The following PIKFYVE variants were observed in gnomAD, a reference collection of about 807,000 sequenced individuals.
The protein encoded by PIKFYVE is phosphoinositide kinase, FYVE-type zinc finger containing.
In PIKFYVE, 122 loss-of-function variants were observed where a neutral mutation model predicts 257.9. The ratio of observed to expected loss-of-function variants is 0.47; its 90% CI spans 0.41 to 0.55. The LOEUF (loss-of-function observed/expected upper bound fraction) is 0.55. PIKFYVE is among the 20% of genes least tolerant of loss of function. The probability of loss-of-function intolerance (pLI) is 0.00; values close to 1 mark genes in which losing one functional copy is unlikely to be tolerated. For synonymous variants in PIKFYVE, 892 were observed against 868.9 expected (o/e 1.03, Z -0.47); for missense variants, 2,160 against 2,536.6 (o/e 0.85, Z 3.19).
rs779594213 is a variant in PIKFYVE at position 208,271,502 on chromosome 2, GT to G, written c.-9-4del. ...ATTTAGATTTTTGCTTGTTTCTTTT[GT>G]TTTTCAGACTCATGAAATGGCCACA... is the stretch of plus-strand genomic sequence containing the variant. On this transcript the variant is annotated splice_polypyrimidine_tract_variant and splice_region_variant and intron_variant, in intron 1 of 41. Coordinates refer to ENST00000264380, the MANE Select transcript of PIKFYVE (RefSeq NM_015040.4). 1.2e-6 allele frequency: 2 copies of G among 1,613,838 alleles called. No individual in the cohort carries two copies. The highest frequency in any genetic ancestry group is 1.7e-6 in the Non-Finnish European group (2 of 1,179,880).
chr2:208,331,751 A>G (rs1440058951), intron 23 of PIKFYVE, among the ~76,000 whole-genome samples: 1 of 152,208 alleles, frequency 6.6e-6, no homozygotes, highest in Non-Finnish European at 1.5e-5. Context: ...CACGACCTAC[A>G]TTAATCAGTG....
chr2:208,337,770 G>A (rs1274059091), intron 28 of PIKFYVE, among the ~76,000 whole-genome samples: 1 of 152,012 alleles, frequency 6.6e-6, no homozygotes, highest in Non-Finnish European at 1.5e-5. Flanking sequence ...CGTGCATGCT[G>A]GAGTGCAGTG....
At chr2:208,299,987 A>G (rs995236897) in intron 8 of PIKFYVE, among the ~76,000 whole-genome samples, 2 of 152,132 alleles carry the variant, frequency 1.3e-5, no homozygotes, top group Non-Finnish European at 2.9e-5. Context: ...GTGAATAGCC[A>G]CTGCACTCCA....
chr2:208,338,490 G>C lies in PIKFYVE; in HGVS notation c.4612-18G>C. On this transcript the variant is annotated intron_variant, in intron 28 of 41. Coordinates refer to ENST00000264380, the MANE Select transcript of PIKFYVE (RefSeq NM_015040.4). ...TTTTCATGTTTTCCATAAGAACAAA[G>C]TATTTACTTCTCTACAGATAAGTGC... 1.9e-6 allele frequency: 3 copies of C among 1,608,016 alleles called. No homozygotes were observed. The highest frequency in any genetic ancestry group is 2.6e-6 in the Non-Finnish European group (3 of 1,174,786).
chr2:208,283,328 C>T (rs2125117483), intron 5 of PIKFYVE, among the ~76,000 whole-genome samples: 1 of 152,274 alleles, frequency 6.6e-6, no homozygotes, highest in African/African-American at 2.4e-5. Context: ...TTTTTGATGG[C>T]AGGGCTGTAT....
At chr2:208,318,148 C>T (rs1695770116) in intron 16 of PIKFYVE, among the ~76,000 whole-genome samples, 1 of 152,128 alleles carries the variant, frequency 6.6e-6, no homozygotes, top group South Asian at 2.1e-4. Flanking sequence ...GGGAATTCAC[C>T]AGACAGAAGG....
At chr2:208,268,810 TG>T (rs1689031736) in intron 1 of PIKFYVE, among the ~76,000 whole-genome samples, 1 of 151,896 alleles carries the variant, frequency 6.6e-6, no homozygotes, top group Non-Finnish European at 1.5e-5. Flanking sequence ...CCAATAAACA[TG>T]TATTGCCAAA....
intron 1 of PIKFYVE, chr2:208,269,536 C>T (rs531730074): frequency 7.0e-6 from 2 of 284,246 alleles, no homozygotes; most frequent in African/African-American, 2.3e-5. Flanking sequence ...CTCATATGTG[C>T]CTTGGTTCTG....
chr2:208,269,644 A>G (rs1159306602), intron 1 of PIKFYVE: 1 of 253,328 alleles, frequency 3.9e-6, no homozygotes, highest in East Asian at 9.8e-5. Context: ...GACCTTCATC[A>G]CCTTGGCACT....
intron 7 of PIKFYVE, among the ~76,000 whole-genome samples, chr2:208,291,828 T>C (rs1217838415): frequency 6.6e-6 from 1 of 152,114 alleles, no homozygotes; most frequent in African/African-American, 2.4e-5. Context: ...ATTTTTCCTG[T>C]GCTCACTTTG....
In PIKFYVE at chr2:208,340,117, T is replaced by G; in HGVS notation, c.4917T>G (p.Pro1639=). The change falls in exon 31 of 42, where the codon CCT becomes CCG. Residue 1639 remains proline, a synonymous_variant. Transcript: ENST00000264380. The part of the protein sequence containing the change: ...ANLLPGNSYN[P]IPFPFDPDKH... ...TGCTTCCAGGAAATAGCTATAATCC[T>G]ATTCCATTTCCTTTGTAAGTATTAT... 6.2e-7 allele frequency: 1 copy of G among 1,614,062 alleles called. No homozygotes were observed. The highest frequency in any genetic ancestry group is 8.5e-7 in the Non-Finnish European group (1 of 1,179,922).
In PIKFYVE at chr2:208,303,269, A is replaced by G. The variant is rs114418066; in HGVS notation, c.1321-902A>G. ...CACACACATATATAAACATATATAT[A>G]CATATACACACACAGGCACACACAC... is the stretch of plus-strand genomic sequence containing the variant. On this transcript the variant is annotated intron_variant, in intron 10 of 41. Transcript: ENST00000264380. 7.3e-3 allele frequency among the ~76,000 whole-genome samples: 757 copies of G among 104,334 alleles called. 8 individuals carry two copies. The highest frequency in any genetic ancestry group is 0.024 in the African/African-American group (735 of 30,410). 68.4% of individuals were successfully genotyped at this position (104,334 alleles called of 152,430 possible). A position where few individuals can be genotyped will look rare whatever the true frequency, so the allele number is the denominator to read the frequency against.
intron 31 of PIKFYVE, among the ~76,000 whole-genome samples, chr2:208,342,200 T>C (rs1207172976): frequency 6.6e-6 from 1 of 152,208 alleles, no homozygotes; most frequent in African/African-American, 2.4e-5. Flanking sequence ...CATTGTTTAT[T>C]ATTGAACTAG....
intron 12 of PIKFYVE, among the ~76,000 whole-genome samples, chr2:208,311,771 T>C (rs1448306217): frequency 6.6e-6 from 1 of 152,184 alleles, no homozygotes; most frequent in East Asian, 1.9e-4. Context: ...TTATAGCTTA[T>C]ATTCTGAAAT....
intron 23 of PIKFYVE, 83 bp downstream of exon 23, chr2:208,330,777 A>G (rs1246633734): frequency 1.1e-5 from 14 of 1,316,210 alleles, no homozygotes; most frequent in Non-Finnish European, 1.4e-5. Context: ...GAGGTTTCCT[A>G]TATGGTACTG....
chr2:208,313,908 T>A (rs1427837455), intron 13 of PIKFYVE, among the ~76,000 whole-genome samples: 1 of 152,170 alleles, frequency 6.6e-6, no homozygotes. Context: ...AAGGGGAAAT[T>A]AACACCCTCG....
chr2:208,342,794 C>CTTTTTTTTTT, intron 32 of PIKFYVE, 145 bp downstream of exon 32: 1 of 339,818 alleles, frequency 2.9e-6, no homozygotes, highest in Non-Finnish European at 5.3e-6. Flanking sequence ...ATAGCTTGTT[C>CTTTTTTTTTT]TTTTTTTTTT....
At chr2:208,334,575 G>A (rs904500438) in intron 24 of PIKFYVE, 1 of 152,334 alleles carries the variant, frequency 6.6e-6, no homozygotes, top group African/African-American at 2.4e-5. Flanking sequence ...ATATCTGCTT[G>A]TTGCTTCCTT....
intron 12 of PIKFYVE, among the ~76,000 whole-genome samples, chr2:208,308,218 G>A (rs1205281716): frequency 6.6e-6 from 1 of 152,036 alleles, no homozygotes; most frequent in Admixed American, 6.6e-5. Context: ...AGGCAATGTG[G>A]CAAAACCCCG....
Sources: allele counts gnomAD v4.1 joint callset (sites outside exome capture counted in the v4.1 genomes callset), GRCh38; gene constraint gnomAD v4.1.1; transcripts MANE v1.5; gene names NCBI Gene and HGNC (gene_info 2026-07-23, HGNC 2026-07-21).